RBFOX1: variants seen among roughly 807,000 people sequenced by gnomAD.
The protein encoded by RBFOX1 is RNA binding fox-1 homolog 1.
RBFOX1 carries 8 observed loss-of-function variants against 57.7 expected under a neutral mutation model. The observed-to-expected ratio is 0.14, with a 90% CI of 0.08 to 0.25. RBFOX1 has a LOEUF of 0.25. Ranked by LOEUF, RBFOX1 falls within the 10% of genes least tolerant of loss-of-function variation. The pLI is 1.00. For synonymous variants in RBFOX1, 326 were observed against 222.4 expected (o/e 1.47, Z -4.15); for missense variants, 611 against 548.5 (o/e 1.11, Z -1.14).
chr16:6,172,711 T>C (rs2096970777), intron 1 of RBFOX1, among the ~76,000 whole-genome samples: 1 of 152,238 alleles, frequency 6.6e-6, no homozygotes, highest in African/African-American at 2.4e-5. Flanking sequence ...ATCACACATA[T>C]AGAGTACATC....
chr16:5,675,424 A>C (rs571946724), intron 3 of RBFOX1, among the ~76,000 whole-genome samples: 1 of 152,312 alleles, frequency 6.6e-6, no homozygotes, highest in East Asian at 1.9e-4. Flanking sequence ...GTTTTCAGCC[A>C]GGCGGCCACA....
At chr16:5,940,018 C>T (rs930953115) in intron 4 of RBFOX1, among the ~76,000 whole-genome samples, 3 of 152,164 alleles carry the variant, frequency 2.0e-5, no homozygotes, top group Admixed American at 6.5e-5. Context: ...GGGGCAGATG[C>T]CATCTTCCTT....
At chr16:5,632,662 T>C (rs2048553011) in intron 3 of RBFOX1, 1 of 152,180 alleles carries the variant, frequency 6.6e-6, no homozygotes, top group Non-Finnish European at 1.5e-5. Flanking sequence ...TTGTCTTTTG[T>C]TTTGGAGCCT....
At chr16:7,034,716 A>G (rs561050119) in intron 3 of RBFOX1, among the ~76,000 whole-genome samples, 8 of 151,972 alleles carry the variant, frequency 5.3e-5, no homozygotes, top group African/African-American at 1.9e-4. Context: ...GACACCTCAC[A>G]TCAGTGCCCC....
chr16:5,407,543 C>T (rs1045818447), intron 1 of RBFOX1, among the ~76,000 whole-genome samples: 1 of 152,050 alleles, frequency 6.6e-6, no homozygotes, highest in African/African-American at 2.4e-5. Context: ...TGCTGGATGT[C>T]ATAACAAGGC....
intron 3 of RBFOX1, 42 bp from the exon 4 acceptor site, chr16:7,052,015 G>T (rs753926695): frequency 6.3e-7 from 1 of 1,584,566 alleles, no homozygotes; most frequent in Non-Finnish European, 8.6e-7. Context: ...TTTCTGATCC[G>T]GAGCCTTCTG....
chr16:7,227,331 C>T (rs761626540), intron 4 of RBFOX1, among the ~76,000 whole-genome samples: 31 of 133,356 alleles, frequency 2.3e-4, no homozygotes, highest in Non-Finnish European at 1.3e-4. Flanking sequence ...TTTGCGTTTG[C>T]TTTGCTCTTT....
At chr16:7,356,455 G>C (rs2097215760) in intron 4 of RBFOX1, among the ~76,000 whole-genome samples, 2 of 152,190 alleles carry the variant, frequency 1.3e-5, no homozygotes, top group Non-Finnish European at 2.9e-5. Context: ...TGACTGGAGA[G>C]TGTTCAAAAG....
At chr16:7,394,502 C>T (rs112301859) in intron 4 of RBFOX1, among the ~76,000 whole-genome samples, 15 of 152,070 alleles carry the variant, frequency 9.9e-5, no homozygotes, top group Admixed American at 2.6e-4. Flanking sequence ...AACCCCCACA[C>T]CTTTAGATGC....
In RBFOX1 at chr16:7,605,090, GT is replaced by G. The variant is rs1187573099; in HGVS notation, c.623-2189del. Among the ~76,000 whole-genome samples the G allele has an allele frequency of 5.9e-5, 9 of 152,186 alleles. No individual in the cohort carries two copies. The East Asian group carries it at 1.4e-3, about 23-fold the overall frequency. On this transcript the variant is annotated intron_variant, in intron 9 of 15. Transcript: ENST00000550418. The stretch of plus-strand genomic sequence containing the variant: ...ATGTCTGCAGCTTTATTTTCAACTA[GT>G]TTTTTGTACTTTTTCTTAGACTCCA...
chr16:6,954,370 T>C (rs1037930892), intron 3 of RBFOX1, among the ~76,000 whole-genome samples: 2 of 152,166 alleles, frequency 1.3e-5, no homozygotes, highest in Non-Finnish European at 1.5e-5. Context: ...TTCCATCCAT[T>C]AGTAGTTCCG....
chr16:5,849,790 C>T (rs904814009), intron 3 of RBFOX1, among the ~76,000 whole-genome samples: 7 of 152,144 alleles, frequency 4.6e-5, no homozygotes, highest in Admixed American at 3.3e-4. Context: ...TCTCTTCCCA[C>T]GTCTTTGGAA....
chr16:5,973,397 T>C (rs2060000368), intron 4 of RBFOX1, among the ~76,000 whole-genome samples: 2 of 152,220 alleles, frequency 1.3e-5, no homozygotes, highest in South Asian at 4.1e-4. Flanking sequence ...TTCAAACTCA[T>C]CATAGTTAGT....
At chr16:7,171,951 G>A (rs746974121) in intron 4 of RBFOX1, among the ~76,000 whole-genome samples, 7 of 152,170 alleles carry the variant, frequency 4.6e-5, no homozygotes, top group East Asian at 1.9e-4. Context: ...ATGTGGGCAC[G>A]GGGTCTGTGC....
At chr16:6,454,417 T>A (rs1182327189) in intron 2 of RBFOX1, among the ~76,000 whole-genome samples, 1 of 151,580 alleles carries the variant, frequency 6.6e-6, no homozygotes. Flanking sequence ...ATTAGCTGGG[T>A]GTGGTGGTAT....
chr16:6,816,465 G>C (rs1384973942), intron 3 of RBFOX1, among the ~76,000 whole-genome samples: 1 of 151,070 alleles, frequency 6.6e-6, no homozygotes, highest in Non-Finnish European at 1.5e-5. Flanking sequence ...TTGTTGGCCG[G>C]GTGTGGTGGC....
chr16:6,806,836 A>ATATATATATATAT lies in RBFOX1; in HGVS notation c.-16+152187_-16+152188insATATATATATATT, dbSNP rs754342591. On this transcript the variant is annotated intron_variant, in intron 3 of 15. Transcript: ENST00000550418. ...TATATAAATATATATATATATATATATTTTTTTTTTTTTTTGAGAGAAAGT... is the reference window on the plus strand; with the variant it reads ...TATATAAATATATATATATATATATATATATATATATATTTTTTTTTTTTTTTTGAGAGAAAGT... Among the ~76,000 whole-genome samples, 575 of 91,768 alleles carry ATATATATATATAT rather than the reference A, an allele frequency of 6.3e-3. 3 individuals carry two copies. Among genetic ancestry groups the ATATATATATATAT allele is most frequent in the African/African-American group, 0.012 (288 of 24,584 alleles). The allele number at this position is 91,768 out of a possible 152,430, so 60.2% of individuals were successfully genotyped here.
chr16:5,616,043 C>G (rs2048012466), intron 3 of RBFOX1: 2 of 152,574 alleles, frequency 1.3e-5, no homozygotes, highest in South Asian at 4.1e-4. Flanking sequence ...CAGAGCTCTT[C>G]TCCACTCCCC....
intron 4 of RBFOX1, among the ~76,000 whole-genome samples, chr16:7,500,649 C>T (rs1347327002): frequency 1.3e-5 from 2 of 152,288 alleles, no homozygotes; most frequent in East Asian, 1.9e-4. Flanking sequence ...CACTGAGTTA[C>T]CTGGCTCTCA....
Sources: gnomAD v4.1 joint callset for allele counts (sites outside exome capture counted in the v4.1 genomes callset) on GRCh38, gnomAD v4.1.1 for gene constraint, MANE v1.5 for transcripts, NCBI Gene and HGNC (gene_info 2026-07-23, HGNC 2026-07-21) for gene names.